Variants in AGBL4 observed in about 807,000 individuals in gnomAD.
AGBL4 encodes the protein cytosolic carboxypeptidase 6.
Under a neutral mutation model 66.4 loss-of-function variants are expected in AGBL4, and 58 were observed. The observed-to-expected ratio is 0.87, with a 90% confidence interval of 0.71 to 1.09. The LOEUF (loss-of-function observed/expected upper bound fraction) is 1.09, where lower values mean the gene tolerates loss of function less well. Among genes scored for constraint, AGBL4 ranks in the 50% least tolerant of loss-of-function variants. The probability of loss-of-function intolerance (pLI) is 0.00; values close to 1 mark genes in which losing one functional copy is unlikely to be tolerated. For missense variants in AGBL4, 579 were observed against 631.0 expected (o/e 0.92, Z 0.88); for synonymous variants, 234 against 222.9 (o/e 1.05, Z -0.44).
chr1:48,588,798 C>CAGAGAAGAGA (rs547681818), intron 10 of AGBL4, among the ~76,000 whole-genome samples: 13,382 of 112,892 alleles, frequency 0.12, 1,067 homozygotes, highest in Middle Eastern at 0.17. Context: ...CATTGAGGAT[C>CAGAGAAGAGA]AGAGAAGAGA....
intron 3 of AGBL4, among the ~76,000 whole-genome samples, chr1:49,622,438 G>A (rs1645379889): frequency 6.6e-6 from 1 of 151,350 alleles, no homozygotes; most frequent in African/African-American, 2.4e-5. Flanking sequence ...GACCATCCCG[G>A]CTAAAACGGT....
At chr1:48,709,452 G>C (rs867829812) in intron 6 of AGBL4, among the ~76,000 whole-genome samples, 2 of 151,864 alleles carry the variant, frequency 1.3e-5, no homozygotes, top group African/African-American at 4.9e-5. Context: ...AATCTAAATA[G>C]TTATTTGAGA....
intron 4 of AGBL4, among the ~76,000 whole-genome samples, chr1:49,152,422 T>C (rs1354971368): frequency 6.6e-6 from 1 of 152,180 alleles, no homozygotes; most frequent in Non-Finnish European, 1.5e-5. Context: ...ATCCCTATTC[T>C]AAAAAAGCAT....
At chr1:49,509,444 T>A (rs993285670) in intron 3 of AGBL4, among the ~76,000 whole-genome samples, 1 of 151,906 alleles carries the variant, frequency 6.6e-6, no homozygotes, top group Non-Finnish European at 1.5e-5. Context: ...CAAATATTTT[T>A]TACAGCTATT....
chr1:49,270,684 C>T (rs540509264), intron 3 of AGBL4, among the ~76,000 whole-genome samples: 1 of 152,132 alleles, frequency 6.6e-6, no homozygotes, highest in East Asian at 1.9e-4. Flanking sequence ...CTAGAAAACA[C>T]CTATTTTTCT....
rs187180271 is a variant in AGBL4, at chr1:48,674,378, C to G, written c.635-11137G>C. On this transcript the variant is annotated intron_variant, in intron 6 of 13. Coordinates refer to ENST00000371839, the MANE Select transcript of AGBL4 (RefSeq NM_032785.4). ...CTGGGATCAGCAAATTGTCCAAGGT[C>G]ATATAGCTGGCAAGTGATGAGAGCA... Among the ~76,000 whole-genome samples, 237 of 152,272 alleles carry G rather than the reference C, an allele frequency of 1.6e-3. 1 individual carries two copies. Among genetic ancestry groups the G allele is most frequent in the African/African-American group, 5.4e-3 (225 of 41,556 alleles).
intron 9 of AGBL4, among the ~76,000 whole-genome samples, chr1:48,602,355 A>G (rs1327760775): frequency 6.6e-6 from 1 of 152,080 alleles, no homozygotes; most frequent in Non-Finnish European, 1.5e-5. Flanking sequence ...TTCCACCATT[A>G]TATCCTGAGT....
rs181046473 is a variant in AGBL4 at position 49,521,275 on chromosome 1, T to A, written c.282+176038A>T. On this transcript the variant is annotated intron_variant, in intron 3 of 13. Transcript: ENST00000371839. ...TAAAAAGACTACTCTAAAATTCATA[T>A]GGTACAAAAAAGAGCCTGACTAGTA... 4.4e-3 allele frequency among the ~76,000 whole-genome samples: 672 copies of A among 152,178 alleles called. 3 individuals are homozygous for A. The highest frequency in any genetic ancestry group is 0.01 in the Middle Eastern group (3 of 294).
At position 48,636,684 on chromosome 1, in the gene AGBL4, G is replaced by A. The variant is rs546011787; in HGVS notation, c.840-2080C>T. 9.2e-5 allele frequency among the ~76,000 whole-genome samples: 14 copies of A among 152,264 alleles called. No individual in the cohort carries two copies. In the East Asian group the frequency reaches 1.9e-3, roughly 21 times the overall value. ...CAGTTCTTAAATATTCTTATCTGAC[G>A]TATTGCTACTCATGAAAGTGATTAA... On this transcript the variant is annotated intron_variant, in intron 8 of 13. Transcript: ENST00000371839.
At chr1:49,811,677 A>ACT (rs1470204779) in intron 2 of AGBL4, among the ~76,000 whole-genome samples, 1 of 151,978 alleles carries the variant, frequency 6.6e-6, no homozygotes, top group African/African-American at 2.4e-5. Context: ...TTGATCTCGA[A>ACT]CTCCTGGGCT....
At position 50,002,327 on chromosome 1, in the gene AGBL4, G is replaced by A. The variant is rs555652194; in HGVS notation, c.34+21436C>T. 5.6e-5 allele frequency among the ~76,000 whole-genome samples: 8 copies of A among 143,348 alleles called. No individual in the cohort carries two copies. The South Asian group carries it at 6.6e-4, about 12-fold the overall frequency. The allele number at this position is 143,348 out of a possible 152,430, so 94.0% of individuals were successfully genotyped here. ...CTGAGAAATTGTACTGGTTTACTCC[G>A]ATTTATTTGAGCCCTTAAATCTGCC... On this transcript the variant is annotated intron_variant, in intron 1 of 13. Coordinates refer to ENST00000371839, the MANE Select transcript of AGBL4 (RefSeq NM_032785.4).
intron 6 of AGBL4, among the ~76,000 whole-genome samples, chr1:48,772,066 T>G (rs772572167): frequency 7.9e-5 from 12 of 152,324 alleles, no homozygotes; most frequent in Non-Finnish European, 1.2e-4. Flanking sequence ...CCAAAGTTGA[T>G]GAGTTCAACA....
In AGBL4 at chr1:49,555,982, G is replaced by T. The variant is rs750287008; in HGVS notation, c.282+141331C>A. ...GGAAGACAGTGTAGCGATTCCTCAG[G>T]GATCTAGAACTAGAAATACCATTTG... is the stretch of plus-strand genomic sequence containing the variant. On this transcript the variant is annotated intron_variant, in intron 3 of 13. Coordinates refer to ENST00000371839, the MANE Select transcript of AGBL4 (RefSeq NM_032785.4). 2.0e-4 allele frequency among the ~76,000 whole-genome samples: 30 copies of T among 152,068 alleles called. 1 individual carries two copies. The highest frequency in any genetic ancestry group is 1.3e-4 in the Admixed American group (2 of 15,266).
At chr1:49,619,603 G>A (rs2124289749) in intron 3 of AGBL4, among the ~76,000 whole-genome samples, 1 of 152,176 alleles carries the variant, frequency 6.6e-6, no homozygotes, top group Admixed American at 6.5e-5. Context: ...TTTCTTCACA[G>A]AATTAGAGAA....
chr1:49,550,068 T>A (rs1233955474), intron 3 of AGBL4, among the ~76,000 whole-genome samples: 1 of 152,222 alleles, frequency 6.6e-6, no homozygotes, highest in Non-Finnish European at 1.5e-5. Context: ...GCTGTTGCTT[T>A]AAAGTGTGTT....
At chr1:49,920,294 A>C (rs1329632179) in intron 1 of AGBL4, among the ~76,000 whole-genome samples, 1 of 151,746 alleles carries the variant, frequency 6.6e-6, no homozygotes, top group African/African-American at 2.4e-5. Flanking sequence ...CCATCAGAGT[A>C]AACAGGCCAC....
intron 1 of AGBL4, among the ~76,000 whole-genome samples, chr1:49,917,749 A>G (rs1158623031): frequency 6.6e-6 from 1 of 152,242 alleles, no homozygotes; most frequent in Non-Finnish European, 1.5e-5. Context: ...AGACATCTAC[A>G]GAACTCTCCA....
At chr1:48,932,539 C>A (rs193139769) in intron 5 of AGBL4, among the ~76,000 whole-genome samples, 2 of 152,062 alleles carry the variant, frequency 1.3e-5, no homozygotes, top group African/African-American at 2.4e-5. Flanking sequence ...GAAATGAGAC[C>A]CAGGAGAAAG....
At chr1:49,564,286 C>A (rs749204196) in intron 3 of AGBL4, among the ~76,000 whole-genome samples, 1 of 151,880 alleles carries the variant, frequency 6.6e-6, no homozygotes, top group African/African-American at 2.4e-5. Flanking sequence ...TTTTGAAGGG[C>A]TTTTTGTGTC....
Sources: allele counts gnomAD v4.1 joint callset (sites outside exome capture counted in the v4.1 genomes callset), GRCh38; gene constraint gnomAD v4.1.1; transcripts MANE v1.5; gene names NCBI Gene and HGNC (gene_info 2026-07-23, HGNC 2026-07-21).